The following ALDH7A1 variants were observed in gnomAD, a reference collection of about 807,000 sequenced individuals.
ALDH7A1 encodes alpha-aminoadipic semialdehyde dehydrogenase.
ALDH7A1 carries 63 observed loss-of-function variants against 79.9 expected under a neutral mutation model. The ratio of observed to expected loss-of-function variants is 0.79; its 90% confidence interval spans 0.64 to 0.97. The LOEUF (loss-of-function observed/expected upper bound fraction) is 0.97, where lower values mean the gene tolerates loss of function less well. Among genes scored for constraint, ALDH7A1 ranks in the 50% least tolerant of loss-of-function variants. The probability of loss-of-function intolerance (pLI) is 0.00; values close to 1 mark genes in which losing one functional copy is unlikely to be tolerated. For missense variants in ALDH7A1, 627 were observed against 665.2 expected, an observed-to-expected ratio of 0.94 and a Z score of 0.63; for synonymous variants, 240 against 231.2, an observed-to-expected ratio of 1.04 and a Z score of -0.34.
intron 5 of ALDH7A1, among the ~76,000 whole-genome samples, chr5:126,579,544 G>A (rs1429391102): frequency 5.3e-5 from 8 of 152,154 alleles, no homozygotes; most frequent in East Asian, 1.9e-4. Flanking sequence ...CTTATAGCTC[G>A]AGTATCACCT....
intron 9 of ALDH7A1, chr5:126,564,655 CACCAA>C: frequency 3.4e-6 from 3 of 893,808 alleles, no homozygotes; most frequent in Non-Finnish European, 4.5e-6. Flanking sequence ...TACCAAAAGC[CACCAA>C]ATGCTACACC....
At chr5:126,575,551 G>A (rs900459982) in intron 6 of ALDH7A1, 87 bp from the exon 7 acceptor site, 1 of 1,246,230 alleles carries the variant, frequency 8.0e-7, no homozygotes. Context: ...AGAAGCAAAA[G>A]TGTGAGAAAA....
At chr5:126,589,363 G>A (rs1472105103) in intron 3 of ALDH7A1, among the ~76,000 whole-genome samples, 1 of 151,962 alleles carries the variant, frequency 6.6e-6, no homozygotes, top group Non-Finnish European at 1.5e-5. Context: ...CTCCATGTTG[G>A]TCAGGCTGGT....
At chr5:126,592,396 A>C in intron 3 of ALDH7A1, 1 of 462,710 alleles carries the variant, frequency 2.2e-6, no homozygotes, top group South Asian at 3.4e-5. Flanking sequence ...TAGTGTTCAC[A>C]GCTCAAGTTT....
intron 7 of ALDH7A1, among the ~76,000 whole-genome samples, chr5:126,573,425 C>A (rs1326856400): frequency 6.6e-6 from 1 of 151,922 alleles, no homozygotes; most frequent in African/African-American, 2.4e-5. Context: ...GCTAGCTGGG[C>A]ACGGTGGCTC....
At chr5:126,555,023 T>C (rs887414156) in intron 12 of ALDH7A1, 5 of 158,668 alleles carry the variant, frequency 3.2e-5, no homozygotes, top group Admixed American at 1.2e-4. Context: ...GAGCCTGGCA[T>C]GCCTGGAACA....
chr5:126,552,977 A>C (rs1408873672), intron 13 of ALDH7A1, among the ~76,000 whole-genome samples: 2 of 152,076 alleles, frequency 1.3e-5, no homozygotes. Context: ...CCTGGCCTCA[A>C]GCAATCCTCC....
chr5:126,569,140 C>T (rs1750693220), intron 8 of ALDH7A1: 1 of 152,390 alleles, frequency 6.6e-6, no homozygotes, highest in Non-Finnish European at 1.5e-5. Context: ...AGCATTAGAT[C>T]TTCAGAGGAG....
chr5:126,586,886 G>C (rs2112808206), intron 3 of ALDH7A1: 1 of 152,200 alleles, frequency 6.6e-6, no homozygotes. Context: ...AGGAGTTCAA[G>C]ACCAGCTTGG....
At chr5:126,546,199 T>C (rs949309856) in intron 17 of ALDH7A1, 125 bp downstream of exon 17, 3 of 873,572 alleles carry the variant, frequency 3.4e-6, no homozygotes, top group African/African-American at 3.3e-5. Context: ...AGGAGACAGC[T>C]GTGGAATGCT....
intron 5 of ALDH7A1, chr5:126,582,057 C>A (rs2112801545): frequency 2.5e-6 from 1 of 398,424 alleles, no homozygotes; most frequent in Admixed American, 4.4e-5. Flanking sequence ...AGGAAGGTGG[C>A]TCATGCCTAT....
At chr5:126,564,498 A>C in intron 9 of ALDH7A1, 1 of 1,237,216 alleles carries the variant, frequency 8.1e-7, no homozygotes, top group Non-Finnish European at 1.0e-6. Flanking sequence ...CCTTAAGTGC[A>C]CTTTAAAATC....
At chr5:126,552,809 A>C (rs985768609) in intron 13 of ALDH7A1, among the ~76,000 whole-genome samples, 1 of 150,746 alleles carries the variant, frequency 6.6e-6, no homozygotes, top group African/African-American at 2.4e-5. Flanking sequence ...CAGTGCAGTG[A>C]CATCATCATG....
intron 7 of ALDH7A1, chr5:126,571,200 A>G: frequency 3.3e-6 from 1 of 302,370 alleles, no homozygotes; most frequent in South Asian, 2.9e-5. Context: ...TCTTGAGGCC[A>G]GGTGTGGTGG....
At chr5:126,589,491 T>C (rs1275891255) in intron 3 of ALDH7A1, among the ~76,000 whole-genome samples, 1 of 151,682 alleles carries the variant, frequency 6.6e-6, no homozygotes, top group Non-Finnish European at 1.5e-5. Context: ...AGTATATATG[T>C]ATAGGAAGGC....
intron 3 of ALDH7A1, chr5:126,588,707 G>GT (rs1238256423): frequency 6.6e-6 from 1 of 151,990 alleles, no homozygotes; most frequent in Non-Finnish European, 1.5e-5. Context: ...CTCATCAGTT[G>GT]TAACAAAATA....
rs113597412 is a variant in ALDH7A1 at position 126,559,921 on chromosome 5, T to G, written c.914-587A>C. Among the ~76,000 whole-genome samples the G allele has an allele frequency of 6.4e-3, 971 of 151,958 alleles. 5 individuals carry two copies. The highest frequency in any genetic ancestry group is 0.038 in the Middle Eastern group (11 of 292). On this transcript the variant is annotated intron_variant, in intron 10 of 17. Transcript: ENST00000409134. ...GGCTCTCACTCCTCTGGCCTCTTCA[T>G]CTTTTATTTCTCGGGGGGTTTTTTG...
At chr5:126,571,154 T>C (rs1285793850) in intron 7 of ALDH7A1, 4 of 141,832 alleles carry the variant, frequency 2.8e-5, no homozygotes, top group Non-Finnish European at 4.8e-5. Flanking sequence ...TAGCAGATTT[T>C]TTTTTTTTTT....
intron 9 of ALDH7A1, among the ~76,000 whole-genome samples, chr5:126,565,901 G>T (rs542034141): frequency 6.6e-6 from 1 of 152,284 alleles, no homozygotes; most frequent in South Asian, 2.1e-4. Context: ...ATAAATACAA[G>T]GGTTTATCTC....
Sources: gnomAD v4.1 joint callset for allele counts (sites outside exome capture counted in the v4.1 genomes callset) on GRCh38, gnomAD v4.1.1 for gene constraint, MANE v1.5 for transcripts, NCBI Gene and HGNC (gene_info 2026-07-23, HGNC 2026-07-21) for gene names.